MTDH: variants seen among roughly 807,000 people sequenced by gnomAD.
The protein encoded by MTDH is protein LYRIC.
MTDH carries 34 observed loss-of-function variants against 72.7 expected under a neutral mutation model. That is an observed-to-expected ratio of 0.47 (90% CI 0.36 to 0.62). MTDH has a LOEUF of 0.62. Among genes scored for constraint, MTDH ranks in the 20% least tolerant of loss-of-function variants. The pLI, the probability that MTDH is intolerant of heterozygous loss-of-function variation, is 0.00. For synonymous variants in MTDH, 266 were observed against 268.9 expected (o/e 0.99, Z 0.10); for missense variants, 677 against 699.4 (o/e 0.97, Z 0.36).
intron 2 of MTDH, among the ~76,000 whole-genome samples, chr8:97,679,883 T>G (rs1359404053): frequency 2.6e-5 from 4 of 152,178 alleles, no homozygotes; most frequent in African/African-American, 9.7e-5. Flanking sequence ...GATTAGCAAT[T>G]GAGTATTGGC....
chr8:97,682,280 A>ATATATATATT, intron 2 of MTDH, among the ~76,000 whole-genome samples: 1 of 3,630 alleles, frequency 2.8e-4, no homozygotes, highest in African/African-American at 8.2e-4. Flanking sequence ...ATATATATAT[A>ATATATATATT]TTTTTTTTTT....
chr8:97,708,151 A>G (rs1330859553), intron 8 of MTDH, among the ~76,000 whole-genome samples: 2 of 150,106 alleles, frequency 1.3e-5, no homozygotes, highest in Non-Finnish European at 3.0e-5. Flanking sequence ...TACTTTTACC[A>G]TGTTGGTTTC....
Position 97,729,285 on chromosome 8 carries a change from G to A in MTDH, c.*4615G>A, listed in dbSNP as rs1008788398. ...CTGCTCTAGCTAGAAACTTCCTATCGGCATCTGAGCCAGCTGGTAGAGGGC... is the reference window on the plus strand; with the variant it reads ...CTGCTCTAGCTAGAAACTTCCTATCAGCATCTGAGCCAGCTGGTAGAGGGC... On this transcript the variant is annotated 3_prime_UTR_variant, in exon 12 of 12. Transcript: ENST00000336273. 4.0e-5 allele frequency among the ~76,000 whole-genome samples: 6 copies of A among 151,824 alleles called. No homozygotes were observed. The highest frequency in any genetic ancestry group is 2.1e-4 in the South Asian group (1 of 4,800).
intron 10 of MTDH, among the ~76,000 whole-genome samples, 194 bp from the exon 11 acceptor site, chr8:97,722,682 TCAA>T (rs1439986878): frequency 6.6e-6 from 1 of 152,228 alleles, no homozygotes; most frequent in Non-Finnish European, 1.5e-5. Context: ...CATTTTTATC[TCAA>T]CATATATTCA....
At chr8:97,665,441 A>C (rs1812343813) in intron 2 of MTDH, among the ~76,000 whole-genome samples, 2 of 152,326 alleles carry the variant, frequency 1.3e-5, no homozygotes, top group South Asian at 4.1e-4. Flanking sequence ...GATAATAAAA[A>C]TGTAAGATGT....
intron 7 of MTDH, 147 bp from the exon 8 acceptor site, chr8:97,706,479 A>G (rs1316623695): frequency 1.8e-6 from 1 of 562,334 alleles, no homozygotes; most frequent in African/African-American, 2.0e-5. Context: ...CCTTCATGTT[A>G]TTTTTTTTTC....
chr8:97,692,629 C>T (rs1040581978), intron 6 of MTDH, among the ~76,000 whole-genome samples: 9 of 152,100 alleles, frequency 5.9e-5, no homozygotes, highest in African/African-American at 9.7e-5. Flanking sequence ...CCACCCACCT[C>T]GGCCTTCTAA....
chr8:97,678,618 T>TGA (rs1281008933), intron 2 of MTDH, among the ~76,000 whole-genome samples: 3 of 142,224 alleles, frequency 2.1e-5, no homozygotes, highest in South Asian at 4.7e-4. Flanking sequence ...TTTTTTTTTT[T>TGA]GAGAGAGAGA....
At chr8:97,711,337 T>TAAAA (rs540690196) in intron 8 of MTDH, among the ~76,000 whole-genome samples, 2 of 130,044 alleles carry the variant, frequency 1.5e-5, no homozygotes, top group East Asian at 2.2e-4. Flanking sequence ...TATCTCTAAT[T>TAAAA]AAAAAAAAAA....
intron 6 of MTDH, among the ~76,000 whole-genome samples, chr8:97,692,855 G>A (rs1395144688): frequency 2.0e-5 from 3 of 151,596 alleles, no homozygotes; most frequent in Non-Finnish European, 4.4e-5. Flanking sequence ...TCAGCCACCC[G>A]AGTAGTTGGG....
chr8:97,670,370 G>A (rs1449960224), intron 2 of MTDH, among the ~76,000 whole-genome samples: 2 of 152,080 alleles, frequency 1.3e-5, no homozygotes, highest in African/African-American at 4.8e-5. Context: ...TGTAATTCCA[G>A]CACTTTGGGA....
At chr8:97,674,097 A>G (rs1418730723) in intron 2 of MTDH, among the ~76,000 whole-genome samples, 1 of 152,110 alleles carries the variant, frequency 6.6e-6, no homozygotes, top group African/African-American at 2.4e-5. Flanking sequence ...TTGGGACTGT[A>G]GCAAGCTGTA....
At chr8:97,707,927 G>T (rs1814430555) in intron 8 of MTDH, among the ~76,000 whole-genome samples, 1 of 151,004 alleles carries the variant, frequency 6.6e-6, no homozygotes, top group African/African-American at 2.4e-5. Flanking sequence ...TGCCAGAAGA[G>T]GATCAAGAAG....
At position 97,683,046 on chromosome 8, in the gene MTDH, T is replaced by C. The variant is rs1322799856; in HGVS notation, c.484-3622T>C. On this transcript the variant is annotated intron_variant, in intron 2 of 11. Coordinates refer to ENST00000336273, the MANE Select transcript of MTDH (RefSeq NM_178812.4). ...TTTACCCTATGATGCTCTTAGACAC[T>C]TTTTTTTTTTTTTTTTTTTTTTTTT... is the stretch of plus-strand genomic sequence containing the variant. Among the ~76,000 whole-genome samples the C allele has an allele frequency of 6.0e-5, 3 of 50,124 alleles. No individual in the cohort carries two copies. The African/African-American group carries it at 8.0e-4, about 13-fold the overall frequency. 32.9% of individuals were successfully genotyped at this position (50,124 alleles called of 152,430 possible).
At position 97,725,810 on chromosome 8, in the gene MTDH, A is replaced by C. The variant is rs1446935204; in HGVS notation, c.*1140A>C. 6.6e-6 allele frequency: 1 copy of C among 152,624 alleles called. No homozygotes were observed. The highest frequency in any genetic ancestry group is 1.5e-5 in the Non-Finnish European group (1 of 68,040). 9.5% of individuals were successfully genotyped at this position (152,624 alleles called of 1,614,324 possible). On this transcript the variant is annotated 3_prime_UTR_variant, in exon 12 of 12. Coordinates refer to ENST00000336273, the MANE Select transcript of MTDH (RefSeq NM_178812.4). ...ATGTGTGAGATGTTTCACCATTTTC[A>C]GGCACTGTGTAATTCTATTGTAATA...
chr8:97,676,379 G>A (rs1295423421), intron 2 of MTDH, among the ~76,000 whole-genome samples: 1 of 152,196 alleles, frequency 6.6e-6, no homozygotes, highest in Non-Finnish European at 1.5e-5. Context: ...ATACTATACA[G>A]ATAATAGATT....
chr8:97,720,803 G>A (rs996337590), intron 10 of MTDH, among the ~76,000 whole-genome samples: 10 of 151,378 alleles, frequency 6.6e-5, no homozygotes, highest in African/African-American at 1.5e-4. Context: ...ACAGGTGCAC[G>A]CCACCACCCC....
intron 1 of MTDH, among the ~76,000 whole-genome samples, chr8:97,648,495 T>C (rs1811646103): frequency 1.4e-5 from 1 of 69,800 alleles, no homozygotes; most frequent in Non-Finnish European, 2.3e-5. Flanking sequence ...GAAAATTGTC[T>C]TTTTTTTTTT....
At chr8:97,666,628 GATA>G (rs1586217949) in intron 2 of MTDH, among the ~76,000 whole-genome samples, 1 of 152,158 alleles carries the variant, frequency 6.6e-6, no homozygotes, top group African/African-American at 2.4e-5. Flanking sequence ...GTGCAAAAGC[GATA>G]ATAGGTAAAA....
Sources: allele counts gnomAD v4.1 joint callset (sites outside exome capture counted in the v4.1 genomes callset), GRCh38; gene constraint gnomAD v4.1.1; transcripts MANE v1.5; gene names NCBI Gene and HGNC (gene_info 2026-07-23, HGNC 2026-07-21).